Variants in CMC1 observed in about 807,000 individuals in gnomAD.
CMC1 encodes COX assembly mitochondrial protein homolog.
CMC1 carries 14 observed loss-of-function variants against 14.1 expected under a neutral mutation model. The ratio of observed to expected loss-of-function variants is 0.99; its 90% CI spans 0.66 to 1.55. The LOEUF (loss-of-function observed/expected upper bound fraction) is 1.55. Ranked by LOEUF, CMC1 falls within the 40% of genes most tolerant of loss-of-function variation. The pLI is 0.00. For missense variants in CMC1, 127 were observed against 123.8 expected, an observed-to-expected ratio of 1.03 and a Z score of -0.12; for synonymous variants, 50 against 38.4, an observed-to-expected ratio of 1.30 and a Z score of -1.12.
chr3:28,262,795 A>G (rs1699799045), intron 1 of CMC1, among the ~76,000 whole-genome samples: 1 of 152,158 alleles, frequency 6.6e-6, no homozygotes, highest in African/African-American at 2.4e-5. Flanking sequence ...TTTAAAATGC[A>G]GAGAAATCAC....
At position 28,308,722 on chromosome 3, in the gene CMC1, C is replaced by T. The variant is rs145509535; in HGVS notation, c.110-7611C>T. On this transcript the variant is annotated intron_variant, in intron 2 of 3. Coordinates refer to ENST00000466830, the MANE Select transcript of CMC1 (RefSeq NM_182523.2). ...TCTACAGGCTGAGCATGGTGGCTTA[C>T]GCCTGTAATCCCAGCACTTTGGGAG... Among the ~76,000 whole-genome samples, 252 of 152,216 alleles carry T rather than the reference C, an allele frequency of 1.7e-3. 3 individuals carry two copies. The highest frequency in any genetic ancestry group is 5.7e-3 in the African/African-American group (235 of 41,526).
chr3:28,299,439 T>G (rs1701908777), intron 2 of CMC1, among the ~76,000 whole-genome samples: 1 of 152,094 alleles, frequency 6.6e-6, no homozygotes, highest in South Asian at 2.1e-4. Context: ...AGAGAAGCTT[T>G]CTTTTGTACT....
At chr3:28,275,023 A>G (rs764205517) in intron 2 of CMC1, among the ~76,000 whole-genome samples, 3 of 152,082 alleles carry the variant, frequency 2.0e-5, no homozygotes, top group African/African-American at 4.8e-5. Flanking sequence ...GCTTATTTGC[A>G]TTGGGTTAGA....
intron 1 of CMC1, chr3:28,253,892 T>G (rs1576981048): frequency 2.5e-6 from 1 of 402,428 alleles, no homozygotes; most frequent in East Asian, 7.4e-5. Context: ...TTCTTTGCTA[T>G]TAAAGACTCT....
chr3:28,243,338 G>A (rs985847799), intron 1 of CMC1, among the ~76,000 whole-genome samples: 1 of 152,140 alleles, frequency 6.6e-6, no homozygotes, highest in Non-Finnish European at 1.5e-5. Context: ...TTACAGGTGT[G>A]AGCCACCGCA....
chr3:28,274,018 C>G lies in CMC1; in HGVS notation c.109+10638C>G, dbSNP rs149045856. ...AAGTGGGTCTCTTGAATACAGCACA[C>G]TAATGGGTCTTGACTCTTTATCCAG... On this transcript the variant is annotated intron_variant, in intron 2 of 3. Transcript: ENST00000466830. Among the ~76,000 whole-genome samples the G allele has an allele frequency of 1.7e-3, 261 of 152,170 alleles. 3 individuals are homozygous for G. The highest frequency in any genetic ancestry group is 5.9e-3 in the African/African-American group (244 of 41,518).
intron 2 of CMC1, among the ~76,000 whole-genome samples, chr3:28,306,442 T>C (rs889522439): frequency 1.6e-4 from 24 of 152,100 alleles, no homozygotes; most frequent in Admixed American, 5.2e-4. Context: ...TGTGTGGCTA[T>C]TGTAAATGGG....
Position 28,322,487 on chromosome 3 carries a change from C to T in CMC1, c.*2858C>T, listed in dbSNP as rs373174926. 8 of 151,712 alleles carry T rather than the reference C, an allele frequency of 5.3e-5. No individual in the cohort carries two copies. The East Asian group carries it at 1.2e-3, about 22-fold the overall frequency. The allele number at this position is 151,712 out of a possible 1,614,324, so 9.4% of individuals were successfully genotyped here. A position where few individuals can be genotyped will look rare whatever the true frequency, so the allele number is the denominator to read the frequency against. On this transcript the variant is annotated 3_prime_UTR_variant, in exon 4 of 4. Coordinates refer to ENST00000466830, the MANE Select transcript of CMC1 (RefSeq NM_182523.2). ...TTTCCAATTTTGGTTTTAAAAAAGGCAAACCAGTAAGCTACATTAGAGATC... is the reference window on the plus strand; with the variant it reads ...TTTCCAATTTTGGTTTTAAAAAAGGTAAACCAGTAAGCTACATTAGAGATC...
At chr3:28,309,935 C>T (rs1165044650) in intron 2 of CMC1, among the ~76,000 whole-genome samples, 2 of 120,118 alleles carry the variant, frequency 1.7e-5, no homozygotes, top group African/African-American at 6.6e-5. Context: ...CTCCACCTGA[C>T]GTCCACCACA....
intron 2 of CMC1, among the ~76,000 whole-genome samples, chr3:28,305,579 T>A (rs564423444): frequency 3.3e-5 from 5 of 152,242 alleles, no homozygotes; most frequent in Non-Finnish European, 7.4e-5. Context: ...CTTAGTCCTT[T>A]GTTGGATGCA....
intron 1 of CMC1, among the ~76,000 whole-genome samples, chr3:28,257,872 T>C (rs1325100725): frequency 6.6e-6 from 1 of 152,096 alleles, no homozygotes; most frequent in Non-Finnish European, 1.5e-5. Context: ...TTTAACTTTA[T>C]AACTCAGCAG....
At chr3:28,308,957 C>T (rs1270635226) in intron 2 of CMC1, among the ~76,000 whole-genome samples, 6 of 148,938 alleles carry the variant, frequency 4.0e-5, no homozygotes, top group Non-Finnish European at 8.9e-5. Flanking sequence ...CACTCCAGCC[C>T]GGCGACGGAG....
intron 2 of CMC1, among the ~76,000 whole-genome samples, chr3:28,311,368 A>C (rs1702631856): frequency 6.6e-6 from 1 of 152,200 alleles, no homozygotes; most frequent in South Asian, 2.1e-4. Context: ...GGTCGCAGGG[A>C]GACCTACAAT....
intron 2 of CMC1, 81 bp downstream of exon 2, chr3:28,263,461 G>A (rs1402979567): frequency 3.4e-6 from 3 of 887,226 alleles, no homozygotes; most frequent in African/African-American, 1.8e-5. Context: ...CCAGAATCAA[G>A]TAGTCAATGA....
At chr3:28,262,537 T>C (rs1699785632) in intron 1 of CMC1, among the ~76,000 whole-genome samples, 1 of 152,160 alleles carries the variant, frequency 6.6e-6, no homozygotes, top group African/African-American at 2.4e-5. Context: ...TATTTGCTGC[T>C]TCAGAGCATG....
chr3:28,246,337 A>G (rs1698827757), intron 1 of CMC1, among the ~76,000 whole-genome samples: 1 of 152,234 alleles, frequency 6.6e-6, no homozygotes. Context: ...AGCAAAGACA[A>G]TAAGAAAGAA....
At chr3:28,285,599 A>G (rs1701131549) in intron 2 of CMC1, among the ~76,000 whole-genome samples, 1 of 151,858 alleles carries the variant, frequency 6.6e-6, no homozygotes, top group Admixed American at 6.6e-5. Flanking sequence ...GATGATGGTT[A>G]CACTAAAAGC....
Position 28,301,591 on chromosome 3 carries a change from G to A in CMC1, c.110-14742G>A, listed in dbSNP as rs188358509. On this transcript the variant is annotated intron_variant, in intron 2 of 3. Coordinates refer to ENST00000466830, the MANE Select transcript of CMC1 (RefSeq NM_182523.2). ...TGAATTGCATGAAAAATTCTACTGC[G>A]ATCGAATTTGGAGAATTTACTGTCC... is the stretch of plus-strand genomic sequence containing the variant. Among the ~76,000 whole-genome samples, 480 of 151,342 alleles carry A rather than the reference G, an allele frequency of 3.2e-3. 2 individuals are homozygous for A. The highest frequency in any genetic ancestry group is 0.011 in the African/African-American group (439 of 41,268).
chr3:28,271,727 T>A (rs554449121), intron 2 of CMC1, among the ~76,000 whole-genome samples: 64 of 152,316 alleles, frequency 4.2e-4, no homozygotes, highest in African/African-American at 1.5e-3. Context: ...TTGTTCTAAT[T>A]CTGTGAAATT....
Sources: allele counts gnomAD v4.1 joint callset (sites outside exome capture counted in the v4.1 genomes callset), GRCh38; gene constraint gnomAD v4.1.1; transcripts MANE v1.5; gene names NCBI Gene and HGNC (gene_info 2026-07-23, HGNC 2026-07-21).